The following LRRC17 variants were observed in gnomAD, a reference collection of about 807,000 sequenced individuals.
LRRC17 encodes the protein leucine-rich repeat-containing protein 17.
A neutral mutation model predicts 41.5 loss-of-function variants in LRRC17; 33 were observed. That is an observed-to-expected ratio of 0.80 (90% CI 0.60 to 1.06). The LOEUF (loss-of-function observed/expected upper bound fraction) is 1.06, where lower values mean the gene tolerates loss of function less well. LRRC17 is among the 50% of genes least tolerant of loss of function. The pLI is 0.00. For synonymous variants in LRRC17, 192 were observed against 197.0 expected, an observed-to-expected ratio of 0.97 and a Z score of 0.21; for missense variants, 491 against 519.3, an observed-to-expected ratio of 0.95 and a Z score of 0.53.
At chr7:102,937,436 G>A (rs1273249825) in intron 2 of LRRC17, among the ~76,000 whole-genome samples, 1 of 148,758 alleles carries the variant, frequency 6.7e-6, no homozygotes, top group Non-Finnish European at 1.5e-5. Context: ...GAACTCTGGA[G>A]GCAGAGGTTG....
chr7:102,916,553 T>G (rs1343716181), intron 1 of LRRC17, among the ~76,000 whole-genome samples: 1 of 152,186 alleles, frequency 6.6e-6, no homozygotes, highest in Admixed American at 6.5e-5. Context: ...TTCTGCAGAC[T>G]TAAAGCTGCT....
chr7:102,932,759 C>A (rs1194781126), intron 1 of LRRC17, among the ~76,000 whole-genome samples: 1 of 151,984 alleles, frequency 6.6e-6, no homozygotes, highest in Non-Finnish European at 1.5e-5. Context: ...CAGGTGCATA[C>A]CACCATGCCC....
intron 1 of LRRC17, among the ~76,000 whole-genome samples, chr7:102,928,016 G>C (rs1052117143): frequency 2.0e-5 from 3 of 152,176 alleles, no homozygotes; most frequent in Non-Finnish European, 2.9e-5. Context: ...CAGCCACAAA[G>C]ATGAAAATGT....
intron 3 of LRRC17, chr7:102,942,299 G>C: frequency 1.3e-6 from 2 of 1,599,500 alleles, no homozygotes; most frequent in Admixed American, 1.7e-5. Flanking sequence ...GGGTCTTTGA[G>C]ATGAAACCCT....
intron 2 of LRRC17, among the ~76,000 whole-genome samples, chr7:102,935,166 C>T (rs1820039293): frequency 6.6e-6 from 1 of 151,192 alleles, no homozygotes; most frequent in Non-Finnish European, 1.5e-5. Context: ...AGTGATGGCC[C>T]TTCGGTATTT....
At chr7:102,937,905 C>T (rs1051038697) in intron 2 of LRRC17, among the ~76,000 whole-genome samples, 4 of 152,170 alleles carry the variant, frequency 2.6e-5, no homozygotes, top group Non-Finnish European at 2.9e-5. Context: ...TTCCCCAACT[C>T]GGAGTTGAGA....
Position 102,920,400 on chromosome 7 carries a change from C to T in LRRC17, c.-141+7255C>T, listed in dbSNP as rs181099741. Among the ~76,000 whole-genome samples the T allele has an allele frequency of 6.6e-5, 10 of 151,718 alleles. No individual in the cohort carries two copies. The East Asian group carries it at 1.8e-3, about 27-fold the overall frequency. ...TTTTTTTTCTTGAGACAGGGTCTTA[C>T]TCTGTCACAGCACAATCATGACTCA... is the stretch of plus-strand genomic sequence containing the variant. On this transcript the variant is annotated intron_variant, in intron 1 of 3. Coordinates refer to ENST00000339431, the MANE Select transcript of LRRC17 (RefSeq NM_001031692.3).
chr7:102,931,972 G>A (rs756909153), intron 1 of LRRC17: 1 of 1,588,532 alleles, frequency 6.3e-7, no homozygotes, highest in African/African-American at 1.3e-5. Flanking sequence ...ACTACATATT[G>A]CAAATGTTTA....
intron 1 of LRRC17, among the ~76,000 whole-genome samples, chr7:102,929,288 A>T (rs956309797): frequency 3.3e-5 from 5 of 152,228 alleles, no homozygotes; most frequent in African/African-American, 1.2e-4. Flanking sequence ...CGGGAGATAC[A>T]TATGTAAACA....
chr7:102,915,570 T>C (rs1181759177), intron 1 of LRRC17, among the ~76,000 whole-genome samples: 1 of 152,212 alleles, frequency 6.6e-6, no homozygotes, highest in Non-Finnish European at 1.5e-5. Context: ...AGAACTGAGC[T>C]AGGAGTGCTT....
intron 1 of LRRC17, among the ~76,000 whole-genome samples, chr7:102,918,583 A>C (rs1816363994): frequency 6.6e-6 from 1 of 152,228 alleles, no homozygotes; most frequent in Admixed American, 6.5e-5. Context: ...TGGGAAGCTG[A>C]AGCAAGAGGA....
chr7:102,926,159 G>T, intron 1 of LRRC17: 2 of 772,798 alleles, frequency 2.6e-6, no homozygotes, highest in Non-Finnish European at 4.2e-6. Context: ...GAAAAGCAGT[G>T]CCACAGTGGT....
chr7:102,937,666 G>A (rs886597343), intron 2 of LRRC17, among the ~76,000 whole-genome samples: 1 of 152,078 alleles, frequency 6.6e-6, no homozygotes, highest in Non-Finnish European at 1.5e-5. Flanking sequence ...GAAGAGTCTT[G>A]TTTATTAAAT....
Position 102,934,102 on chromosome 7 carries a change from A to C in LRRC17, c.189A>C (p.Lys63Asn), listed in dbSNP as rs978133756. ...PCDVYTYLHEKYLDCQERKLV... is the reference protein window; with the variant it reads ...PCDVYTYLHENYLDCQERKLV... Reference sequence around the variant, plus strand: ...ACGTGTACACATATCTCCATGAGAAATACTTAGATTGTCAAGAAAGAAAAT... The same window carrying C: ...ACGTGTACACATATCTCCATGAGAACTACTTAGATTGTCAAGAAAGAAAAT... The change falls in exon 2 of 4, where the codon AAA becomes AAC. Residue 63 changes from lysine (K) to asparagine (N), a missense_variant. By Grantham distance (94) the Lys-to-Asn change is moderately conservative (BLOSUM62 0). Coordinates refer to ENST00000339431, the MANE Select transcript of LRRC17 (RefSeq NM_001031692.3). 8.7e-6 allele frequency: 14 copies of C among 1,614,040 alleles called. No individual in the cohort carries two copies. Among genetic ancestry groups the C allele is most frequent in the Non-Finnish European group, 1.2e-5 (14 of 1,179,966 alleles).
intron 1 of LRRC17, among the ~76,000 whole-genome samples, chr7:102,916,422 G>A (rs1190738895): frequency 6.6e-6 from 1 of 152,128 alleles, no homozygotes; most frequent in Non-Finnish European, 1.5e-5. Context: ...TAGACTAAGT[G>A]ACTCCTGGAT....
At chr7:102,921,202 C>A (rs537844020) in intron 1 of LRRC17, among the ~76,000 whole-genome samples, 1 of 152,194 alleles carries the variant, frequency 6.6e-6, no homozygotes, top group South Asian at 2.1e-4. Context: ...TAAAGAATAT[C>A]ATTTTATGTG....
intron 2 of LRRC17, among the ~76,000 whole-genome samples, chr7:102,935,892 G>A (rs560239832): frequency 2.0e-5 from 3 of 152,308 alleles, no homozygotes; most frequent in Non-Finnish European, 4.4e-5. Context: ...AAGAGAAAGG[G>A]GAAGTTCAGA....
chr7:102,927,020 G>C (rs1279449626), intron 1 of LRRC17, among the ~76,000 whole-genome samples: 1 of 152,128 alleles, frequency 6.6e-6, no homozygotes, highest in African/African-American at 2.4e-5. Flanking sequence ...AAAGATTCAA[G>C]CATCCTTCCC....
intron 3 of LRRC17, among the ~76,000 whole-genome samples, chr7:102,940,213 G>T (rs28419283): frequency 0.017 from 2,288 of 136,712 alleles, 62 homozygotes; most frequent in African/African-American, 0.06. Context: ...GACTTTTTTT[G>T]TTTGTTTTTT....
Sources: gnomAD v4.1 joint callset for allele counts (sites outside exome capture counted in the v4.1 genomes callset) on GRCh38, gnomAD v4.1.1 for gene constraint, MANE v1.5 for transcripts, NCBI Gene and HGNC (gene_info 2026-07-23, HGNC 2026-07-21) for gene names.